The following C12orf75 variants were observed in gnomAD, a reference collection of about 807,000 sequenced individuals.
C12orf75 encodes the protein overexpressed in colon carcinoma 1 protein.
In C12orf75, 4 loss-of-function variants were observed where a neutral mutation model predicts 11.4. The observed-to-expected ratio is 0.35, with a 90% confidence interval of 0.17 to 0.80. The LOEUF is 0.80. Ranked by LOEUF, C12orf75 falls within the 30% of genes least tolerant of loss-of-function variation. C12orf75 has a pLI of 0.52. For synonymous variants in C12orf75, 30 were observed against 30.0 expected, an observed-to-expected ratio of 1.00 and a Z score of 0.00; for missense variants, 89 against 80.4, an observed-to-expected ratio of 1.11 and a Z score of -0.41.
chr12:105,343,686 T>A (rs977490848), intron 1 of C12orf75, among the ~76,000 whole-genome samples: 8 of 152,186 alleles, frequency 5.3e-5, no homozygotes, highest in Non-Finnish European at 8.8e-5. Flanking sequence ...GGTACTCTGA[T>A]AGTTTTGTTT....
Position 105,345,143 on chromosome 12 carries a change from C to A in C12orf75, c.47-3459C>A, listed in dbSNP as rs570761466. Among the ~76,000 whole-genome samples, 48 of 152,190 alleles carry A rather than the reference C, an allele frequency of 3.2e-4. No individual in the cohort carries two copies. The South Asian group carries it at 3.5e-3, about 11-fold the overall frequency. On this transcript the variant is annotated intron_variant, in intron 1 of 5. Coordinates refer to ENST00000443585, the MANE Select transcript of C12orf75 (RefSeq NM_001145199.2). ...TTTAACATTAAAACAGACCTTAAGA[C>A]TGACAAAGCAGACTCTTTGTAGCAG...
intron 3 of C12orf75, chr12:105,366,059 G>C (rs1566143142): frequency 8.7e-6 from 5 of 575,222 alleles, no homozygotes; most frequent in Non-Finnish European, 1.6e-5. Context: ...TATGCATGTG[G>C]CGTGTGCTAA....
At chr12:105,346,559 C>CT (rs1398072174) in intron 1 of C12orf75, among the ~76,000 whole-genome samples, 1 of 152,034 alleles carries the variant, frequency 6.6e-6, no homozygotes, top group African/African-American at 2.4e-5. Context: ...TTAATAATCT[C>CT]TGATTCTAAA....
intron 1 of C12orf75, among the ~76,000 whole-genome samples, chr12:105,331,719 G>A (rs1892430092): frequency 6.6e-6 from 1 of 152,004 alleles, no homozygotes; most frequent in Admixed American, 6.5e-5. Context: ...AGTGACTTTT[G>A]CCAAAACTCA....
At chr12:105,370,411 T>C (rs1871594885) in intron 5 of C12orf75, among the ~76,000 whole-genome samples, 1 of 152,216 alleles carries the variant, frequency 6.6e-6, no homozygotes, top group Non-Finnish European at 1.5e-5. Flanking sequence ...TAATTGTAAG[T>C]TTGTAAGTCT....
chr12:105,350,082 A>G (rs1212059696), intron 2 of C12orf75, among the ~76,000 whole-genome samples: 1 of 152,182 alleles, frequency 6.6e-6, no homozygotes, highest in African/African-American at 2.4e-5. Flanking sequence ...ACATTTAGCA[A>G]CAGTGAATAC....
chr12:105,336,600 G>A (rs1378616875), intron 1 of C12orf75, among the ~76,000 whole-genome samples: 4 of 152,212 alleles, frequency 2.6e-5, no homozygotes, highest in African/African-American at 9.7e-5. Context: ...TGCTGTCTGC[G>A]CTCAGAGAAG....
At chr12:105,357,830 G>GGAGA (rs1391679266) in intron 2 of C12orf75, among the ~76,000 whole-genome samples, 1 of 148,084 alleles carries the variant, frequency 6.8e-6, no homozygotes, top group African/African-American at 2.5e-5. Context: ...GAGAGAGAGA[G>GGAGA]GAGAGAGAGA....
chr12:105,362,924 C>T (rs1892893769), intron 2 of C12orf75, among the ~76,000 whole-genome samples: 1 of 152,142 alleles, frequency 6.6e-6, no homozygotes. Flanking sequence ...TAGCAAAGTG[C>T]CTAGTATAGT....
chr12:105,355,409 C>G (rs984047549), intron 2 of C12orf75, among the ~76,000 whole-genome samples: 1 of 152,116 alleles, frequency 6.6e-6, no homozygotes, highest in African/African-American at 2.4e-5. Context: ...ACCTTGTGAT[C>G]CGCCCGCCTT....
intron 2 of C12orf75, among the ~76,000 whole-genome samples, chr12:105,357,724 AT>A (rs1037896369): frequency 1.3e-5 from 2 of 151,864 alleles, no homozygotes; most frequent in Non-Finnish European, 2.9e-5. Flanking sequence ...AAGAAGCTAC[AT>A]TTTTTTGCTA....
At chr12:105,346,483 A>G (rs939764099) in intron 1 of C12orf75, among the ~76,000 whole-genome samples, 1 of 152,180 alleles carries the variant, frequency 6.6e-6, no homozygotes, top group Non-Finnish European at 1.5e-5. Context: ...TTTTCTATCA[A>G]AAACACTCTA....
At chr12:105,350,311 G>A (rs1393548954) in intron 2 of C12orf75, among the ~76,000 whole-genome samples, 1 of 152,186 alleles carries the variant, frequency 6.6e-6, no homozygotes, top group Non-Finnish European at 1.5e-5. Flanking sequence ...GCCTCAAACC[G>A]ACTGGCTCGC....
At position 105,366,605 on chromosome 12, in the gene C12orf75, CT is replaced by C; in HGVS notation, c.108-7del. The C allele has an allele frequency of 6.9e-7, 1 of 1,456,364 alleles. No individual in the cohort carries two copies. The highest frequency in any genetic ancestry group is 1.2e-5 in the South Asian group (1 of 80,338). 90.2% of individuals were successfully genotyped at this position (1,456,364 alleles called of 1,614,324 possible). ...AGTACCATTTAAATTGGTTTGATTT[CT>C]TTTTATCAAGAAACTATGGAGGAGT... On this transcript the variant is annotated splice_polypyrimidine_tract_variant and intron_variant, in intron 3 of 5. Transcript: ENST00000443585.
intron 5 of C12orf75, among the ~76,000 whole-genome samples, chr12:105,368,636 T>A (rs900109788): frequency 1.3e-5 from 2 of 152,206 alleles, no homozygotes; most frequent in African/African-American, 4.8e-5. Context: ...TGAACCAACT[T>A]CTTGCCCAGG....
chr12:105,336,228 A>G (rs1369913155), intron 1 of C12orf75, among the ~76,000 whole-genome samples: 2 of 152,192 alleles, frequency 1.3e-5, no homozygotes, highest in East Asian at 1.9e-4. Flanking sequence ...GGAAGAAAGA[A>G]TGGTTAGGAT....
intron 2 of C12orf75, among the ~76,000 whole-genome samples, chr12:105,365,110 T>C (rs1258873596): frequency 3.3e-5 from 5 of 152,154 alleles, no homozygotes; most frequent in Admixed American, 1.3e-4. Flanking sequence ...GTGCTGGTAT[T>C]ACAGGCATGA....
intron 5 of C12orf75, among the ~76,000 whole-genome samples, chr12:105,369,361 C>T (rs1376529827): frequency 6.6e-6 from 1 of 152,080 alleles, no homozygotes; most frequent in Non-Finnish European, 1.5e-5. Flanking sequence ...TATTTTATTG[C>T]ACCCCTCTCT....
intron 5 of C12orf75, 21 bp downstream of exon 5, chr12:105,367,530 T>G: frequency 1.5e-6 from 1 of 662,008 alleles, no homozygotes. Context: ...TTTTTCTAAA[T>G]AATTCTATAT....
Sources: gnomAD v4.1 joint callset for allele counts (sites outside exome capture counted in the v4.1 genomes callset) on GRCh38, gnomAD v4.1.1 for gene constraint, MANE v1.5 for transcripts, NCBI Gene and HGNC (gene_info 2026-07-23, HGNC 2026-07-21) for gene names.